Variants in CCDC169 observed in about 807,000 individuals in gnomAD.
CCDC169 encodes the protein coiled-coil domain containing 169, also known as coiled-coil domain-containing protein 169.
A neutral mutation model predicts 36.0 loss-of-function variants in CCDC169; 30 were observed. The ratio of observed to expected loss-of-function variants is 0.83; its 90% CI spans 0.62 to 1.13. CCDC169 has a LOEUF of 1.13. Among genes scored for constraint, CCDC169 ranks in the 50% most tolerant of loss-of-function variants. The pLI is 0.00. For missense variants in CCDC169, 245 were observed against 245.9 expected (o/e 1.00, Z 0.03); for synonymous variants, 85 against 81.5 (o/e 1.04, Z -0.23).
chr13:36,224,697 G>T (rs1056050360), downstream of CCDC169: 9 of 152,148 alleles, frequency 5.9e-5, no homozygotes, highest in African/African-American at 2.2e-4. Flanking sequence ...AATCAATATT[G>T]TTAAAATAGT....
intron 7 of CCDC169, among the ~76,000 whole-genome samples, chr13:36,241,110 T>C (rs185281690): frequency 2.0e-5 from 3 of 152,274 alleles, no homozygotes; most frequent in African/African-American, 4.8e-5. Context: ...CCCTTTCTGC[T>C]AGATTTTTAA....
chr13:36,233,123 C>A (rs963262840), intron 7 of CCDC169, among the ~76,000 whole-genome samples: 1 of 152,198 alleles, frequency 6.6e-6, no homozygotes, highest in Non-Finnish European at 1.5e-5. Context: ...TGCTCCAACA[C>A]ACACACACAG....
At chr13:36,235,183 T>A (rs925135621) in intron 7 of CCDC169, among the ~76,000 whole-genome samples, 1 of 151,886 alleles carries the variant, frequency 6.6e-6, no homozygotes, top group Non-Finnish European at 1.5e-5. Flanking sequence ...TAATTGTAAT[T>A]CCCAGGCAAC....
chr13:36,233,960 C>T (rs1197653109), intron 7 of CCDC169, among the ~76,000 whole-genome samples: 2 of 152,152 alleles, frequency 1.3e-5, no homozygotes, highest in African/African-American at 4.8e-5. Context: ...ATGCTTTTCC[C>T]CAGATCTAGG....
intron 4 of CCDC169, among the ~76,000 whole-genome samples, chr13:36,256,713 C>T (rs1444665303): frequency 2.0e-5 from 3 of 152,188 alleles, no homozygotes; most frequent in East Asian, 1.9e-4. Flanking sequence ...GAGGCCCCCA[C>T]CGGCCTGGGG....
chr13:36,254,939 G>A (rs919774970), intron 4 of CCDC169, among the ~76,000 whole-genome samples: 1 of 152,110 alleles, frequency 6.6e-6, no homozygotes, highest in Non-Finnish European at 1.5e-5. Context: ...TGGGGGCCCT[G>A]GCACTTCCAG....
intron 7 of CCDC169, among the ~76,000 whole-genome samples, chr13:36,235,746 A>G (rs976967827): frequency 3.3e-5 from 5 of 151,920 alleles, no homozygotes; most frequent in African/African-American, 1.2e-4. Flanking sequence ...AGGCATACAC[A>G]TTCACATACA....
At chr13:36,246,649 T>C (rs1872532766) in intron 7 of CCDC169, among the ~76,000 whole-genome samples, 1 of 152,224 alleles carries the variant, frequency 6.6e-6, no homozygotes, top group South Asian at 2.1e-4. Context: ...TGCAATTTTT[T>C]GCTGGAGGAA....
At chr13:36,227,489 C>CACACAT (rs1869968334), downstream of CCDC169, 57 of 1,113,710 alleles carry the variant, frequency 5.1e-5, no homozygotes, top group South Asian at 1.1e-4. Flanking sequence ...CACACACACA[C>CACACAT]ATATACACAA....
chr13:36,246,369 G>A (rs1872509861), intron 7 of CCDC169, among the ~76,000 whole-genome samples: 1 of 152,196 alleles, frequency 6.6e-6, no homozygotes, highest in South Asian at 2.1e-4. Context: ...AAATGATAAG[G>A]AAGCAAAACA....
intron 7 of CCDC169, among the ~76,000 whole-genome samples, chr13:36,238,442 T>C (rs1438022263): frequency 6.6e-6 from 1 of 152,134 alleles, no homozygotes; most frequent in African/African-American, 2.4e-5. Flanking sequence ...TTTTTTGGTA[T>C]GTGAATAATA....
At chr13:36,276,802 C>T (rs1876881134) in intron 4 of CCDC169, among the ~76,000 whole-genome samples, 1 of 140,244 alleles carries the variant, frequency 7.1e-6, no homozygotes, top group Non-Finnish European at 1.6e-5. Context: ...TAACTTATCA[C>T]AAGCAAGGCT....
intron 4 of CCDC169, chr13:36,267,071 T>C (rs1205783013): frequency 6.6e-6 from 1 of 152,190 alleles, no homozygotes; most frequent in African/African-American, 2.4e-5. Flanking sequence ...ATGCAAGTCT[T>C]AGCCCTAGTA....
intron 7 of CCDC169, among the ~76,000 whole-genome samples, chr13:36,243,412 A>G (rs542611752): frequency 1.8e-4 from 27 of 147,940 alleles, no homozygotes; most frequent in African/African-American, 6.9e-4. Context: ...AGGCAGAATA[A>G]TAATTTGAAT....
intron 4 of CCDC169, chr13:36,282,695 A>G (rs1383147647): frequency 8.8e-6 from 2 of 227,828 alleles, no homozygotes; most frequent in East Asian, 3.6e-4. Context: ...CTCTTAGAGA[A>G]CCACATTTTC....
chr13:36,270,077 C>G (rs1161084222), intron 4 of CCDC169, among the ~76,000 whole-genome samples: 1 of 152,176 alleles, frequency 6.6e-6, no homozygotes, highest in Non-Finnish European at 1.5e-5. Flanking sequence ...TGAGTAAAGT[C>G]TCAGGTTACA....
chr13:36,292,815 AACAG>A (rs777684319), intron 2 of CCDC169, among the ~76,000 whole-genome samples: 1 of 152,180 alleles, frequency 6.6e-6, no homozygotes, highest in Non-Finnish European at 1.5e-5. Flanking sequence ...GAGCAGGGAA[AACAG>A]ACAGTGTAGG....
At chr13:36,249,003 C>T (rs1161661671) in intron 6 of CCDC169, among the ~76,000 whole-genome samples, 1 of 152,134 alleles carries the variant, frequency 6.6e-6, no homozygotes, top group Non-Finnish European at 1.5e-5. Context: ...AATGCAGGCA[C>T]CCTGCCATTA....
intron 4 of CCDC169, chr13:36,282,306 T>G (rs907226796): frequency 2.2e-6 from 2 of 924,580 alleles, no homozygotes; most frequent in African/African-American, 3.6e-5. Flanking sequence ...CAATTATATG[T>G]CTGAATTTCA....
Sources: gnomAD v4.1 joint callset for allele counts (sites outside exome capture counted in the v4.1 genomes callset) on GRCh38, gnomAD v4.1.1 for gene constraint, MANE v1.5 for transcripts, NCBI Gene and HGNC (gene_info 2026-07-23, HGNC 2026-07-21) for gene names.